TAS2R1: variants seen among roughly 807,000 people sequenced by gnomAD.
The protein encoded by TAS2R1 is taste receptor type 2 member 1.
For synonymous variants in TAS2R1, 141 were observed against 134.2 expected (o/e 1.05, Z -0.35); for missense variants, 370 against 353.4 (o/e 1.05, Z -0.38).
chr5:9,669,136 T>C (rs1471284324), intron 1 of TAS2R1, among the ~76,000 whole-genome samples: 1 of 150,794 alleles, frequency 6.6e-6, no homozygotes, highest in Non-Finnish European at 1.5e-5. Flanking sequence ...CAAAGCAGAG[T>C]TTAAATCAGC....
intron 1 of TAS2R1, among the ~76,000 whole-genome samples, chr5:9,669,042 A>G (rs375293891): frequency 7.4e-4 from 113 of 152,338 alleles, no homozygotes; most frequent in African/African-American, 1.9e-3. Context: ...TGACACTCAT[A>G]GGCTCAAAAT....
At chr5:9,788,422 C>A in the TAS2R1 span, among the ~76,000 whole-genome samples, 2 of 152,138 alleles carry the variant, frequency 1.3e-5, no homozygotes, top group African/African-American at 2.4e-5. Flanking sequence ...TAATACAGCT[C>A]CCAGCCACCG....
chr5:9,891,341 A>T, the TAS2R1 span, among the ~76,000 whole-genome samples: 66 of 152,290 alleles, frequency 4.3e-4, no homozygotes, highest in African/African-American at 1.2e-3. Context: ...GGAAAAAAAA[A>T]TTTTCATAAA....
chr5:9,793,948 T>C, the TAS2R1 span, among the ~76,000 whole-genome samples: 1 of 152,112 alleles, frequency 6.6e-6, no homozygotes, highest in Non-Finnish European at 1.5e-5. Flanking sequence ...TCAGAAACAT[T>C]GTACTCAGGA....
the TAS2R1 span, among the ~76,000 whole-genome samples, chr5:9,804,681 A>G: frequency 6.6e-6 from 1 of 152,164 alleles, no homozygotes. Flanking sequence ...GAAATAAAAA[A>G]TTCTTTGAAC....
chr5:9,735,078 C>T, the TAS2R1 span, among the ~76,000 whole-genome samples: 6 of 151,408 alleles, frequency 4.0e-5, no homozygotes, highest in Admixed American at 2.6e-4. Flanking sequence ...CGCGTCTTCA[C>T]GTGGTGACAG....
the TAS2R1 span, among the ~76,000 whole-genome samples, chr5:9,839,063 A>G: frequency 6.6e-6 from 1 of 152,232 alleles, no homozygotes; most frequent in African/African-American, 2.4e-5. Flanking sequence ...CATCATCAGC[A>G]TCGAGCAGGT....
At chr5:9,652,653 CTTGT>C (rs1250313219) in intron 2 of TAS2R1, among the ~76,000 whole-genome samples, 2 of 152,056 alleles carry the variant, frequency 1.3e-5, no homozygotes, top group Non-Finnish European at 2.9e-5. Context: ...AAATTCAGGG[CTTGT>C]TTGTTTTATG....
chr5:9,756,471 C>G, the TAS2R1 span, among the ~76,000 whole-genome samples: 1 of 152,160 alleles, frequency 6.6e-6, no homozygotes, highest in African/African-American at 2.4e-5. Flanking sequence ...TACTCATGTT[C>G]ATATTCATAA....
chr5:9,707,525 T>A (rs113330136), intron 1 of TAS2R1, among the ~76,000 whole-genome samples: 2,654 of 152,110 alleles, frequency 0.017, 72 homozygotes, highest in African/African-American at 0.06. Flanking sequence ...TCTAGTGAAA[T>A]TACAAAAATT....
intron 1 of TAS2R1, among the ~76,000 whole-genome samples, chr5:9,700,973 T>G (rs1741467467): frequency 6.6e-6 from 1 of 152,158 alleles, no homozygotes; most frequent in Non-Finnish European, 1.5e-5. Context: ...TGTGTGCAAG[T>G]GAAGTGTGGG....
At chr5:9,892,592 C>T in the TAS2R1 span, among the ~76,000 whole-genome samples, 1 of 152,144 alleles carries the variant, frequency 6.6e-6, no homozygotes, top group South Asian at 2.1e-4. Flanking sequence ...TCTGGAGATG[C>T]CGCTATGCTG....
In TAS2R1 at chr5:9,629,533, T is replaced by A. The variant is rs531924656; in HGVS notation, c.500A>T (p.Gln167Leu). 6.2e-7 allele frequency: 1 copy of A among 1,614,080 alleles called. No homozygotes were observed. Among genetic ancestry groups the A allele is most frequent in the East Asian group, 2.2e-5 (1 of 44,880 alleles). Residue 167 changes from glutamine to leucine, a missense_variant, in exon 1 of 1, where the codon CAA (glutamine) becomes CTA (leucine). Coordinates refer to ENST00000382492, the MANE Select transcript of TAS2R1 (RefSeq NM_019599.3). ...RKFFSQNATI[Q>L]KEDTLAIQIF... Reference sequence around the variant, plus strand: ...CTGTATAGCCAGTGTATCTTCTTTTTGAATTGTGGCATTTTGGGAGAAAAA... The same window carrying A: ...CTGTATAGCCAGTGTATCTTCTTTTAGAATTGTGGCATTTTGGGAGAAAAA...
At chr5:9,708,382 A>C (rs1268263919) in intron 1 of TAS2R1, among the ~76,000 whole-genome samples, 1 of 152,220 alleles carries the variant, frequency 6.6e-6, no homozygotes, top group Non-Finnish European at 1.5e-5. Flanking sequence ...TTCTACAAAA[A>C]CGGAGATACC....
chr5:9,841,024 A>G, the TAS2R1 span, among the ~76,000 whole-genome samples: 1 of 151,946 alleles, frequency 6.6e-6, no homozygotes, highest in Admixed American at 6.6e-5. Context: ...ACATATTCAC[A>G]AAGCACATAA....
At chr5:9,662,459 G>A (rs1292973821) in intron 1 of TAS2R1, among the ~76,000 whole-genome samples, 2 of 152,140 alleles carry the variant, frequency 1.3e-5, no homozygotes, top group Non-Finnish European at 2.9e-5. Context: ...TGGCCTGCAG[G>A]AAATGAAATA....
At chr5:9,859,674 C>T in the TAS2R1 span, among the ~76,000 whole-genome samples, 4 of 152,262 alleles carry the variant, frequency 2.6e-5, no homozygotes, top group East Asian at 1.9e-4. Flanking sequence ...AGATAAAAGC[C>T]GCCCATTAGA....
At chr5:9,786,562 C>G in the TAS2R1 span, among the ~76,000 whole-genome samples, 1 of 152,098 alleles carries the variant, frequency 6.6e-6, no homozygotes, top group Non-Finnish European at 1.5e-5. Flanking sequence ...CACCTAGGAA[C>G]TAAAAAGTTT....
At chr5:9,814,100 C>T in the TAS2R1 span, among the ~76,000 whole-genome samples, 1 of 152,166 alleles carries the variant, frequency 6.6e-6, no homozygotes, top group African/African-American at 2.4e-5. Flanking sequence ...AGGTAAAGTA[C>T]TTTCCTAAAA....
Sources: allele counts gnomAD v4.1 joint callset (sites outside exome capture counted in the v4.1 genomes callset), GRCh38; gene constraint gnomAD v4.1.1; transcripts MANE v1.5; gene names NCBI Gene and HGNC (gene_info 2026-07-23, HGNC 2026-07-21).